RNF19A: variants seen among roughly 807,000 people sequenced by gnomAD.
The protein encoded by RNF19A is ring finger protein 19A, RBR E3 ubiquitin protein ligase.
A neutral mutation model predicts 75.7 loss-of-function variants in RNF19A; 32 were observed. The observed-to-expected ratio is 0.42, with a 90% CI of 0.32 to 0.57. The LOEUF is 0.57. RNF19A is among the 20% of genes least tolerant of loss of function. The probability of loss-of-function intolerance (pLI) is 0.10; values close to 1 mark genes in which losing one functional copy is unlikely to be tolerated. For synonymous variants in RNF19A, 335 were observed against 345.2 expected (o/e 0.97, Z 0.33); for missense variants, 782 against 1,036.3 (o/e 0.75, Z 3.37).
upstream of RNF19A, chr8:100,312,546 C>T (rs542722793): frequency 6.6e-6 from 1 of 152,568 alleles, no homozygotes; most frequent in African/African-American, 2.4e-5. Flanking sequence ...GAGCCCTGGT[C>T]ACACCACTGG....
intron 1 of RNF19A, among the ~76,000 whole-genome samples, chr8:100,290,634 ACAGT>A (rs1821250287): frequency 6.6e-6 from 1 of 152,222 alleles, no homozygotes; most frequent in Non-Finnish European, 1.5e-5. Flanking sequence ...TAGATAAGGA[ACAGT>A]CAGAGAGCTC....
intron 1 of RNF19A, among the ~76,000 whole-genome samples, chr8:100,289,987 A>G (rs1017240703): frequency 2.0e-5 from 3 of 152,238 alleles, no homozygotes; most frequent in Non-Finnish European, 4.4e-5. Flanking sequence ...TGCTACACAC[A>G]AGACAGGACT....
Position 100,257,680 on chromosome 8 carries a change from C to T in RNF19A, c.*876G>A. On this transcript the variant is annotated 3_prime_UTR_variant, in exon 10 of 10. Coordinates refer to ENST00000341084, the MANE Select transcript of RNF19A (RefSeq NM_183419.4). ...TATTTTTATATATAATCCAAGGTGA[C>T]CAGAGAAGACATGGAAAACAACACA... 1 of 239,034 alleles carries T rather than the reference C, an allele frequency of 4.2e-6. No individual in the cohort carries two copies. 14.8% of individuals were successfully genotyped at this position (239,034 alleles called of 1,614,324 possible). A position where few individuals can be genotyped will look rare whatever the true frequency, so the allele number is the denominator to read the frequency against.
At chr8:100,320,322 G>A (rs1348313780) in intron 1 of RNF19A, among the ~76,000 whole-genome samples, 1 of 152,096 alleles carries the variant, frequency 6.6e-6, no homozygotes, top group Non-Finnish European at 1.5e-5. Context: ...CTATTTTCAA[G>A]ATCTACCCAT....
chr8:100,327,984 G>A (rs1021084402), intron 1 of RNF19A, among the ~76,000 whole-genome samples: 2 of 152,210 alleles, frequency 1.3e-5, no homozygotes, highest in African/African-American at 4.8e-5. Flanking sequence ...GGCTCTTCAA[G>A]TGTTTGAGGT....
intron 1 of RNF19A, among the ~76,000 whole-genome samples, chr8:100,334,792 A>G (rs1281299389): frequency 6.6e-6 from 1 of 152,158 alleles, no homozygotes; most frequent in African/African-American, 2.4e-5. Context: ...AGAGACTCCA[A>G]AGAGACGGTC....
chr8:100,263,451 T>G (rs1819821451), intron 7 of RNF19A, among the ~76,000 whole-genome samples: 1 of 152,182 alleles, frequency 6.6e-6, no homozygotes, highest in Admixed American at 6.5e-5. Context: ...AAAATCTGAT[T>G]GAGGCCAGTT....
intron 1 of RNF19A, among the ~76,000 whole-genome samples, chr8:100,328,986 G>A (rs1323232511): frequency 6.6e-6 from 1 of 152,166 alleles, no homozygotes; most frequent in African/African-American, 2.4e-5. Flanking sequence ...TGGGTCTTGC[G>A]CAGGTTTATC....
In RNF19A at chr8:100,259,283, T is replaced by G; in HGVS notation, c.1827-37A>C. On this transcript the variant is annotated intron_variant, in intron 9 of 9. Transcript: ENST00000341084. The surrounding 1 kb of genome is among the most constrained non-coding windows in gnomAD (Gnocchi z 4.5). ...GAGTAACAAATACAAACATAATTGC[T>G]GACTTCTTTTTGTTCAGATGACTGG... 1 of 1,528,528 alleles carries G rather than the reference T, an allele frequency of 6.5e-7. No individual in the cohort carries two copies. The highest frequency in any genetic ancestry group is 2.3e-5 in the East Asian group (1 of 44,302). 94.7% of individuals were successfully genotyped at this position (1,528,528 alleles called of 1,614,324 possible).
chr8:100,313,638 G>C (rs1298435078), upstream of RNF19A, among the ~76,000 whole-genome samples: 2 of 152,158 alleles, frequency 1.3e-5, no homozygotes, highest in Admixed American at 6.5e-5. Context: ...AGATGTTTAA[G>C]CAGCGTGACA....
intron 3 of RNF19A, 76 bp from the exon 4 acceptor site, chr8:100,270,089 A>G: frequency 8.1e-7 from 1 of 1,229,702 alleles, no homozygotes; most frequent in Non-Finnish European, 1.1e-6. Flanking sequence ...TACCAATTGT[A>G]GCACTGTCAA....
chr8:100,279,202 AAT>A (rs1046776211), intron 2 of RNF19A, among the ~76,000 whole-genome samples: 19 of 152,344 alleles, frequency 1.2e-4, no homozygotes, highest in African/African-American at 4.1e-4. Flanking sequence ...GAATTATATC[AAT>A]AGTGATATTA....
rs35748790 is a variant in RNF19A at position 100,298,198 on chromosome 8, T to TAAAAAA, written c.-93-9937_-93-9932dup. On this transcript the variant is annotated intron_variant, in intron 1 of 9. Transcript: ENST00000341084. The stretch of plus-strand genomic sequence containing the variant: ...TACCTAAATTTACCATGTATTGGGT[T>TAAAAAA]AAAAAAAAAAAAAACACTTATTACA... Among the ~76,000 whole-genome samples, 1,264 of 144,382 alleles carry TAAAAAA rather than the reference T, an allele frequency of 8.8e-3. 18 individuals carry two copies. The highest frequency in any genetic ancestry group is 0.029 in the African/African-American group (1,144 of 39,120). The allele number at this position is 144,382 out of a possible 152,430, so 94.7% of individuals were successfully genotyped here. A position where few individuals can be genotyped will look rare whatever the true frequency, so the allele number is the denominator to read the frequency against.
At position 100,268,780 on chromosome 8, in the gene RNF19A, T is replaced by G; in HGVS notation, c.1191+5A>C. On this transcript the variant is annotated splice_donor_5th_base_variant and intron_variant, in intron 5 of 9. Coordinates refer to ENST00000341084, the MANE Select transcript of RNF19A (RefSeq NM_183419.4). ...TAATGGACTAACAAGAAGTATGCAT[T>G]TTACCTTGCGGCCCACATACACAGG... is the stretch of plus-strand genomic sequence containing the variant. The G allele has an allele frequency of 6.5e-7, 1 of 1,543,316 alleles. No homozygotes were observed. Among genetic ancestry groups the G allele is most frequent in the Non-Finnish European group, 8.8e-7 (1 of 1,138,896 alleles).
intron 1 of RNF19A, among the ~76,000 whole-genome samples, chr8:100,304,908 TAATCCAATGAA>T (rs1822003456): frequency 6.6e-6 from 1 of 152,304 alleles, no homozygotes; most frequent in South Asian, 2.1e-4. Context: ...TAACTTATAC[TAATCCAATGAA>T]AAAGATGATG....
At chr8:100,273,941 C>A (rs1160305272) in intron 3 of RNF19A, among the ~76,000 whole-genome samples, 1 of 152,060 alleles carries the variant, frequency 6.6e-6, no homozygotes, top group African/African-American at 2.4e-5. Flanking sequence ...CGCCACCACG[C>A]CCAGCTAATT....
At chr8:100,278,711 A>C (rs1304462068) in intron 2 of RNF19A, among the ~76,000 whole-genome samples, 3 of 152,176 alleles carry the variant, frequency 2.0e-5, no homozygotes, top group Non-Finnish European at 2.9e-5. Context: ...TCAATATACT[A>C]GTATTCATAG....
intron 1 of RNF19A, among the ~76,000 whole-genome samples, chr8:100,315,331 G>A (rs1211834235): frequency 1.3e-5 from 2 of 152,104 alleles, no homozygotes; most frequent in Non-Finnish European, 2.9e-5. Context: ...CACAGGACAA[G>A]GTACCATTAA....
At chr8:100,282,572 A>G (rs992788273) in intron 2 of RNF19A, among the ~76,000 whole-genome samples, 3 of 152,188 alleles carry the variant, frequency 2.0e-5, no homozygotes, top group Admixed American at 6.5e-5. Flanking sequence ...ATGAATTACA[A>G]CTTCCCCTGA....
Sources: gnomAD v4.1 joint callset for allele counts (sites outside exome capture counted in the v4.1 genomes callset) on GRCh38, gnomAD v4.1.1 for gene constraint, Gnocchi (gnomAD v3.1) non-coding constraint, MANE v1.5 for transcripts, NCBI Gene and HGNC (gene_info 2026-07-23, HGNC 2026-07-21) for gene names.